Variants in SMARCA2 observed in about 807,000 individuals in gnomAD.
SMARCA2 encodes the protein SWI/SNF-related matrix-associated actin-dependent regulator of chromatin subfamily A member 2.
In SMARCA2, 61 loss-of-function variants were observed where a neutral mutation model predicts 199.8. That is an observed-to-expected ratio of 0.31 (90% CI 0.25 to 0.38). The LOEUF is 0.38. Ranked by LOEUF, SMARCA2 falls within the 10% of genes least tolerant of loss-of-function variation. The probability of loss-of-function intolerance (pLI) is 1.00; values close to 1 mark genes in which losing one functional copy is unlikely to be tolerated. For synonymous variants in SMARCA2, 935 were observed against 732.0 expected (o/e 1.28, Z -4.48); for missense variants, 1,344 against 2,012.2 (o/e 0.67, Z 6.35).
chr9:2,120,179 A>G lies in SMARCA2; in HGVS notation c.3762+644A>G, dbSNP rs533869120. On this transcript the variant is annotated intron_variant, in intron 26 of 33. Coordinates refer to ENST00000349721, the MANE Select transcript of SMARCA2 (RefSeq NM_003070.5). ...GTTGGATTTCCCTCCAGTATCTTCAATCATTTTCATCTTCATCAAAGACTG... is the reference window on the plus strand; with the variant it reads ...GTTGGATTTCCCTCCAGTATCTTCAGTCATTTTCATCTTCATCAAAGACTG... Among the ~76,000 whole-genome samples the G allele has an allele frequency of 6.6e-5, 10 of 152,340 alleles. No homozygotes were observed. In the East Asian group the frequency reaches 1.5e-3, roughly 24 times the overall value.
chr9:2,046,107 T>A (rs1554616659), intron 4 of SMARCA2: 1 of 152,174 alleles, frequency 6.6e-6, no homozygotes, highest in Non-Finnish European at 1.5e-5. Context: ...TATTTTTTCT[T>A]AGAAAGGATT....
rs1392877416 is a variant in SMARCA2 at position 2,169,984 on chromosome 9, C to T, written c.4200-435C>T. On this transcript the variant is annotated intron_variant, in intron 28 of 33. Coordinates refer to ENST00000349721, the MANE Select transcript of SMARCA2 (RefSeq NM_003070.5). The surrounding 1 kb of genome is among the most constrained non-coding windows in gnomAD (Gnocchi z 6.5). The stretch of plus-strand genomic sequence containing the variant: ...CTTTGTGCAGGCTACTGTAAGAAAG[C>T]ACTTTATCCTATTTAATTTTTATAA... Among the ~76,000 whole-genome samples, 2 of 152,138 alleles carry T rather than the reference C, an allele frequency of 1.3e-5. No individual in the cohort carries two copies. The highest frequency in any genetic ancestry group is 4.8e-5 in the African/African-American group (2 of 41,424).
intron 28 of SMARCA2, among the ~76,000 whole-genome samples, chr9:2,165,205 A>G (rs2129668842): frequency 6.6e-6 from 1 of 152,350 alleles, no homozygotes; most frequent in East Asian, 1.9e-4. Context: ...TCTGACAGTC[A>G]TGTAGATTAA....
At chr9:2,181,978 T>G (rs544222886) in intron 30 of SMARCA2, among the ~76,000 whole-genome samples, 163 bp from the exon 31 acceptor site, 1 of 152,046 alleles carries the variant, frequency 6.6e-6, no homozygotes, top group African/African-American at 2.4e-5. Flanking sequence ...AGTGGGAGGG[T>G]GGACTTGGTG....
rs138070380 is a variant in SMARCA2 at position 2,143,017 on chromosome 9, C to T, written c.3982-18669C>T. Among the ~76,000 whole-genome samples the T allele has an allele frequency of 3.1e-3, 464 of 152,026 alleles. 2 individuals carry two copies. The highest frequency in any genetic ancestry group is 5.1e-3 in the Non-Finnish European group (347 of 67,998). On this transcript the variant is annotated intron_variant, in intron 27 of 33. Coordinates refer to ENST00000349721, the MANE Select transcript of SMARCA2 (RefSeq NM_003070.5). Reference sequence around the variant, plus strand: ...ACAGATTTCGGGATGATAGGAGATTCGGACATATTTTAAAACAAAAGAAAC... The same window carrying T: ...ACAGATTTCGGGATGATAGGAGATTTGGACATATTTTAAAACAAAAGAAAC...
chr9:2,113,196 C>T (rs1397535803), intron 24 of SMARCA2, among the ~76,000 whole-genome samples: 1 of 152,082 alleles, frequency 6.6e-6, no homozygotes, highest in Non-Finnish European at 1.5e-5. Flanking sequence ...CAGATAGAGG[C>T]CTTAATGTTG....
In SMARCA2 at chr9:2,119,470, G is replaced by A; in HGVS notation, c.3697G>A (p.Val1233Ile). ...TTTTTAACCCCAGGAAGAAGATGAA[G>A]TACCGGACGATGAGACTCTGAACCA... ...HEEENEEEDEVPDDETLNQMI... is the reference protein window; with the variant it reads ...HEEENEEEDEIPDDETLNQMI... The change falls in exon 26 of 34, where the codon GTA becomes ATA. Residue 1233 changes from valine (V) to isoleucine (I), a missense_variant. Around this residue, in one of 18 missense-constraint regions of SMARCA2, gnomAD observed 36 missense variants for 172.5 expected, o/e 0.21. Transcript: ENST00000349721. The surrounding 1 kb of genome is among the most constrained non-coding windows in gnomAD (Gnocchi z 4.6). The A allele has an allele frequency of 6.2e-7, 1 of 1,612,454 alleles. No individual in the cohort carries two copies. The highest frequency in any genetic ancestry group is 8.5e-7 in the Non-Finnish European group (1 of 1,178,496).
intron 16 of SMARCA2, among the ~76,000 whole-genome samples, chr9:2,083,684 C>T (rs1370975965): frequency 3.9e-5 from 6 of 152,238 alleles, no homozygotes; most frequent in African/African-American, 1.2e-4. Context: ...ACACATTCTG[C>T]GTGCTGCTGA....
chr9:2,159,083 A>G (rs1825529203), intron 27 of SMARCA2: 4 of 1,426,998 alleles, frequency 2.8e-6, no homozygotes, highest in South Asian at 1.3e-5. Context: ...TCTGTTTGCA[A>G]TTTAATTTGT....
chr9:2,083,549 G>A (rs1821661228), intron 16 of SMARCA2, 136 bp downstream of exon 16: 2 of 539,564 alleles, frequency 3.7e-6, no homozygotes, highest in South Asian at 2.9e-5. Flanking sequence ...AACCGTGAGA[G>A]TTAATCATCC....
intron 19 of SMARCA2, among the ~76,000 whole-genome samples, chr9:2,091,685 C>G (rs1822068822): frequency 6.6e-6 from 1 of 152,168 alleles, no homozygotes; most frequent in African/African-American, 2.4e-5. Flanking sequence ...TGCATTGTTT[C>G]TTAGACTGTC....
intron 32 of SMARCA2, among the ~76,000 whole-genome samples, chr9:2,190,911 G>A (rs1249215294): frequency 6.6e-6 from 1 of 152,138 alleles, no homozygotes; most frequent in Non-Finnish European, 1.5e-5. Context: ...TAATGTAAAA[G>A]TTCTATTAAA....
intron 27 of SMARCA2, among the ~76,000 whole-genome samples, chr9:2,147,471 T>G (rs1824821275): frequency 6.6e-6 from 1 of 152,352 alleles, no homozygotes; most frequent in South Asian, 2.1e-4. Context: ...GATTGCCTCT[T>G]TGAGTAAACT....
intron 32 of SMARCA2, among the ~76,000 whole-genome samples, chr9:2,190,910 A>T (rs1827833544): frequency 6.6e-6 from 1 of 152,264 alleles, no homozygotes; most frequent in African/African-American, 2.4e-5. Flanking sequence ...TTAATGTAAA[A>T]GTTCTATTAA....
intron 18 of SMARCA2, among the ~76,000 whole-genome samples, chr9:2,087,947 TA>T (rs774998642): frequency 6.6e-6 from 1 of 152,150 alleles, no homozygotes; most frequent in Non-Finnish European, 1.5e-5. Flanking sequence ...TAAGATGGAC[TA>T]AACTTGAACT....
At chr9:2,147,356 C>T (rs1487488088) in intron 27 of SMARCA2, among the ~76,000 whole-genome samples, 1 of 151,480 alleles carries the variant, frequency 6.6e-6, no homozygotes, top group Non-Finnish European at 1.5e-5. Context: ...CATTGGTCAA[C>T]GAAAACATTC....
intron 32 of SMARCA2, among the ~76,000 whole-genome samples, chr9:2,188,842 CT>C (rs1463041203): frequency 6.6e-6 from 1 of 152,210 alleles, no homozygotes; most frequent in Non-Finnish European, 1.5e-5. Flanking sequence ...AGTTCAATTT[CT>C]TGTGTTCGTA....
chr9:2,023,611 A>T (rs1339996993), intron 1 of SMARCA2, among the ~76,000 whole-genome samples: 4 of 152,196 alleles, frequency 2.6e-5, no homozygotes, highest in South Asian at 2.1e-4. Context: ...ACCAAGAAGC[A>T]GTGTGGGCCT....
chr9:2,147,580 T>G (rs1824828015), intron 27 of SMARCA2, among the ~76,000 whole-genome samples: 2 of 152,176 alleles, frequency 1.3e-5, no homozygotes, highest in East Asian at 3.9e-4. Flanking sequence ...GCGTGGTGGC[T>G]CACGCCTGTA....
Sources: gnomAD v4.1 joint callset for allele counts (sites outside exome capture counted in the v4.1 genomes callset) on GRCh38, gnomAD v4.1.1 for gene constraint, gnomAD v4.1.1 regional missense constraint, Gnocchi (gnomAD v3.1) non-coding constraint, MANE v1.5 for transcripts, NCBI Gene and HGNC (gene_info 2026-07-23, HGNC 2026-07-21) for gene names.